The following BLOC1S6 variants were observed in gnomAD, a reference collection of about 807,000 sequenced individuals.
The protein encoded by BLOC1S6 is biogenesis of lysosome-related organelles complex 1 subunit 6.
BLOC1S6 carries 24 observed loss-of-function variants against 24.7 expected under a neutral mutation model. That is an observed-to-expected ratio of 0.97 (90% CI 0.70 to 1.37). The LOEUF is 1.37. Ranked by LOEUF, BLOC1S6 falls within the 40% of genes most tolerant of loss-of-function variation. The pLI, the probability that BLOC1S6 is intolerant of heterozygous loss-of-function variation, is 0.00. For missense variants in BLOC1S6, 175 were observed against 196.2 expected (o/e 0.89, Z 0.64); for synonymous variants, 76 against 72.6 (o/e 1.05, Z -0.23).
intron 2 of BLOC1S6, among the ~76,000 whole-genome samples, chr15:45,594,831 C>T (rs752222284): frequency 3.6e-4 from 55 of 152,134 alleles, no homozygotes; most frequent in Non-Finnish European, 5.4e-4. Flanking sequence ...GTGATCTGCC[C>T]ACCTTGGCCT....
At chr15:45,587,605 C>A in intron 1 of BLOC1S6, 80 bp downstream of exon 1, 1 of 1,389,966 alleles carries the variant, frequency 7.2e-7, no homozygotes, top group Non-Finnish European at 9.8e-7. Context: ...TCCGGAGAAA[C>A]CCTGGGGGAG....
At chr15:45,605,653 A>ACG in intron 4 of BLOC1S6, 139 bp downstream of exon 4, 2 of 655,494 alleles carry the variant, frequency 3.1e-6, no homozygotes, top group Non-Finnish European at 5.2e-6. Flanking sequence ...GCAATGGTGC[A>ACG]ATCTCGGCTC....
intron 1 of BLOC1S6, among the ~76,000 whole-genome samples, chr15:45,591,789 G>T (rs991704555): frequency 3.3e-5 from 5 of 152,178 alleles, no homozygotes; most frequent in African/African-American, 1.2e-4. Context: ...TTACCTTATA[G>T]TAGTAACTTA....
chr15:45,605,922 T>C (rs980687658), intron 4 of BLOC1S6: 1 of 271,018 alleles, frequency 3.7e-6, no homozygotes, highest in Non-Finnish European at 7.1e-6. Context: ...TACCCTCATA[T>C]ACAATAGCAT....
intron 1 of BLOC1S6, 194 bp downstream of exon 1, chr15:45,587,719 C>T: frequency 1.4e-6 from 1 of 711,890 alleles, no homozygotes; most frequent in Non-Finnish European, 2.5e-6. Context: ...ACTGAAGTCC[C>T]GAGGGGAAGC....
In BLOC1S6 at chr15:45,606,463, G is replaced by A. The variant is rs769458704; in HGVS notation, c.468G>A (p.Lys156=). 6.2e-7 allele frequency: 1 copy of A among 1,614,130 alleles called. No individual in the cohort carries two copies. The highest frequency in any genetic ancestry group is 1.7e-5 in the Admixed American group (1 of 60,016). Residue 156 remains lysine, a synonymous_variant, in exon 5 of 5, where the codon AAG becomes AAA. Transcript: ENST00000220531. The stretch of plus-strand genomic sequence containing the variant: ...TGGAAAGGGAGCAGCAACGAGAGAA[G>A]GAGTTTGAAAGAGAAAAGCAGTTAA... ...EELEREQQRE[K]EFEREKQLTA... is the part of the protein sequence containing the mutation.
At chr15:45,603,968 A>G (rs1894357206) in intron 3 of BLOC1S6, among the ~76,000 whole-genome samples, 1 of 152,220 alleles carries the variant, frequency 6.6e-6, no homozygotes, top group Non-Finnish European at 1.5e-5. Flanking sequence ...GAAGTTCTAT[A>G]GCTTTTTGAT....
intron 4 of BLOC1S6, 69 bp downstream of exon 4, chr15:45,605,583 T>C: frequency 7.9e-7 from 1 of 1,264,172 alleles, no homozygotes; most frequent in Non-Finnish European, 1.1e-6. Flanking sequence ...GTTTTTTTTT[T>C]TTTTCAGTAT....
At chr15:45,587,732 T>G (rs1395325746) in intron 1 of BLOC1S6, 2 of 707,428 alleles carry the variant, frequency 2.8e-6, no homozygotes, top group East Asian at 5.4e-5. Context: ...GGGGAAGCTT[T>G]GTATTGGGGG....
chr15:45,607,517 G>A lies in BLOC1S6; in HGVS notation c.*1003G>A, dbSNP rs1251371378. On this transcript the variant is annotated 3_prime_UTR_variant, in exon 5 of 5. Coordinates refer to ENST00000220531, the MANE Select transcript of BLOC1S6 (RefSeq NM_012388.4). Reference sequence around the variant, plus strand: ...AGGCCGGGTGCGGTGGCTCATGCCTGTAATCCCAACGCTTTGGGACGCCGA... The same window carrying A: ...AGGCCGGGTGCGGTGGCTCATGCCTATAATCCCAACGCTTTGGGACGCCGA... 1 of 152,270 alleles carries A rather than the reference G, an allele frequency of 6.6e-6. No individual in the cohort carries two copies. Among genetic ancestry groups the A allele is most frequent in the Non-Finnish European group, 1.5e-5 (1 of 68,084 alleles). 9.4% of individuals were successfully genotyped at this position (152,270 alleles called of 1,614,324 possible). A position where few individuals can be genotyped will look rare whatever the true frequency, so the allele number is the denominator to read the frequency against.
At chr15:45,595,094 A>G (rs1435360929) in intron 2 of BLOC1S6, among the ~76,000 whole-genome samples, 1 of 152,128 alleles carries the variant, frequency 6.6e-6, no homozygotes, top group Non-Finnish European at 1.5e-5. Flanking sequence ...CAGTGTGTTC[A>G]GCAGCTTGGT....
chr15:45,588,579 G>A (rs1456238219), intron 1 of BLOC1S6, among the ~76,000 whole-genome samples: 1 of 152,124 alleles, frequency 6.6e-6, no homozygotes, highest in African/African-American at 2.4e-5. Context: ...TTGAAAGGCT[G>A]GTTCACCTCC....
At chr15:45,600,097 C>T (rs1309748617) in intron 2 of BLOC1S6, among the ~76,000 whole-genome samples, 11 of 143,278 alleles carry the variant, frequency 7.7e-5, no homozygotes, top group Middle Eastern at 7.1e-3. Context: ...AACCAAACAC[C>T]GCATATTCTC....
intron 2 of BLOC1S6, among the ~76,000 whole-genome samples, chr15:45,600,902 T>G (rs1447671115): frequency 6.6e-6 from 1 of 152,188 alleles, no homozygotes; most frequent in African/African-American, 2.4e-5. Flanking sequence ...CCCTAGTGGA[T>G]ACAATATTTT....
chr15:45,587,659 T>A, intron 1 of BLOC1S6, 134 bp downstream of exon 1: 1 of 925,602 alleles, frequency 1.1e-6, no homozygotes, highest in Non-Finnish European at 1.7e-6. Flanking sequence ...CTGCCCCGAG[T>A]GCAGAAATGG....
At chr15:45,596,329 C>T (rs1894075535) in intron 2 of BLOC1S6, among the ~76,000 whole-genome samples, 1 of 152,052 alleles carries the variant, frequency 6.6e-6, no homozygotes, top group South Asian at 2.1e-4. Flanking sequence ...TCCCAAGTAG[C>T]TGGGACCACA....
intron 2 of BLOC1S6, 141 bp downstream of exon 2, chr15:45,592,417 A>T: frequency 9.5e-7 from 1 of 1,055,574 alleles, no homozygotes; most frequent in Non-Finnish European, 1.4e-6. Context: ...TTGATAGCAG[A>T]TGGGAATAGA....
At chr15:45,602,441 T>C (rs1361462985) in intron 2 of BLOC1S6, 2 of 604,540 alleles carry the variant, frequency 3.3e-6, no homozygotes, top group Admixed American at 3.0e-5. Context: ...TAAAGAAATA[T>C]CAAGGAAGTT....
At chr15:45,587,596 C>A (rs1434656778) in intron 1 of BLOC1S6, 71 bp downstream of exon 1, 4 of 1,415,488 alleles carry the variant, frequency 2.8e-6, no homozygotes, top group East Asian at 2.5e-5. Context: ...GAGTAGAACT[C>A]CGGAGAAACC....
Sources: allele counts gnomAD v4.1 joint callset (sites outside exome capture counted in the v4.1 genomes callset), GRCh38; gene constraint gnomAD v4.1.1; transcripts MANE v1.5; gene names NCBI Gene and HGNC (gene_info 2026-07-23, HGNC 2026-07-21).